KDM4C: variants seen among roughly 807,000 people sequenced by gnomAD.
The protein encoded by KDM4C is lysine demethylase 4C.
Under a neutral mutation model 129.3 loss-of-function variants are expected in KDM4C, and 81 were observed. That is an observed-to-expected ratio of 0.63 (90% CI 0.52 to 0.75). The LOEUF is 0.75. Ranked by LOEUF, KDM4C falls within the 30% of genes least tolerant of loss-of-function variation. The pLI, the probability that KDM4C is intolerant of heterozygous loss-of-function variation, is 0.00. For synonymous variants in KDM4C, 573 were observed against 456.1 expected (o/e 1.26, Z -3.26); for missense variants, 1,457 against 1,304.0 (o/e 1.12, Z -1.81).
At position 7,076,921 on chromosome 9, in the gene KDM4C, G is replaced by A. The variant is rs530444944; in HGVS notation, c.2425-26764G>A. ...CCTGTAGCATGGAGGCATTATAATA[G>A]GAGTCTCAGAAGTTACACCATTTTT... is the stretch of plus-strand genomic sequence containing the variant. On this transcript the variant is annotated intron_variant, in intron 17 of 21. Transcript: ENST00000381309. The A allele has an allele frequency of 5.6e-5, 55 of 986,316 alleles. No individual in the cohort carries two copies. The East Asian group carries it at 5.5e-3, about 99-fold the overall frequency. The allele number at this position is 986,316 out of a possible 1,614,324, so 61.1% of individuals were successfully genotyped here. A position where few individuals can be genotyped will look rare whatever the true frequency, so the allele number is the denominator to read the frequency against.
At chr9:7,149,619 A>G (rs1842545972) in intron 19 of KDM4C, among the ~76,000 whole-genome samples, 1 of 152,232 alleles carries the variant, frequency 6.6e-6, no homozygotes, top group South Asian at 2.1e-4. Flanking sequence ...AGTAATGAAT[A>G]CTGGAATTTG....
At chr9:6,728,127 G>T (rs1455902631) in intron 1 of KDM4C, among the ~76,000 whole-genome samples, 1 of 147,894 alleles carries the variant, frequency 6.8e-6, no homozygotes, top group East Asian at 2.0e-4. Context: ...TGAATGCTAT[G>T]GGAACCATCC....
Position 7,005,296 on chromosome 9 carries a change from G to A in KDM4C, c.1787-6402G>A, listed in dbSNP as rs183057626. ...ACTAAAAATACAAAGTTAGCCGGGC[G>A]TGGTGGCGCATGCCTGTAATCCCAG... On this transcript the variant is annotated intron_variant, in intron 12 of 21. Coordinates refer to ENST00000381309, the MANE Select transcript of KDM4C (RefSeq NM_015061.6). Among the ~76,000 whole-genome samples, 383 of 152,150 alleles carry A rather than the reference G, an allele frequency of 2.5e-3. 1 individual carries two copies. The highest frequency in any genetic ancestry group is 8.2e-3 in the African/African-American group (342 of 41,526).
intron 17 of KDM4C, among the ~76,000 whole-genome samples, chr9:7,101,244 C>G (rs1036182688): frequency 2.6e-5 from 4 of 152,130 alleles, no homozygotes; most frequent in Non-Finnish European, 5.9e-5. Flanking sequence ...TTGTAACATT[C>G]TTAAGTGCAC....
intron 8 of KDM4C, among the ~76,000 whole-genome samples, chr9:6,916,991 A>G (rs1302821663): frequency 6.6e-6 from 1 of 152,168 alleles, no homozygotes; most frequent in Non-Finnish European, 1.5e-5. Context: ...GAATCTGCCT[A>G]TTCATATTCC....
intron 19 of KDM4C, among the ~76,000 whole-genome samples, chr9:7,143,162 AC>A (rs1232624221): frequency 1.3e-5 from 2 of 152,106 alleles, no homozygotes; most frequent in Non-Finnish European, 2.9e-5. Context: ...GTGCCCACTT[AC>A]CCTGGGAGCC....
Position 7,015,211 on chromosome 9 carries a change from G to C in KDM4C, c.2183-642G>C, listed in dbSNP as rs1243521975. Among the ~76,000 whole-genome samples the C allele has an allele frequency of 2.0e-5, 3 of 151,792 alleles. No homozygotes were observed. The South Asian group carries it at 6.3e-4, about 32-fold the overall frequency. ...TCATTAAATCTTAACCCTCTTATAC[G>C]GAGGGGTTTTTAATATTGGAAATAT... is the stretch of plus-strand genomic sequence containing the variant. On this transcript the variant is annotated intron_variant, in intron 14 of 21. Transcript: ENST00000381309.
chr9:6,823,926 G>A (rs1833458154), intron 4 of KDM4C, among the ~76,000 whole-genome samples: 1 of 152,182 alleles, frequency 6.6e-6, no homozygotes, highest in Non-Finnish European at 1.5e-5. Flanking sequence ...TTTTTCAGGA[G>A]ACATTTTCAC....
At chr9:6,845,055 A>G (rs567474804) in intron 4 of KDM4C, among the ~76,000 whole-genome samples, 1 of 152,290 alleles carries the variant, frequency 6.6e-6, no homozygotes, top group African/African-American at 2.4e-5. Flanking sequence ...TGATTTTCAC[A>G]TTATTTCTTT....
intron 5 of KDM4C, among the ~76,000 whole-genome samples, chr9:6,873,820 C>T (rs1843133928): frequency 6.6e-6 from 1 of 151,892 alleles, no homozygotes; most frequent in Non-Finnish European, 1.5e-5. Flanking sequence ...TTCAAAATGC[C>T]CTCCTTACTA....
At chr9:6,978,317 C>T (rs141784991) in intron 8 of KDM4C, among the ~76,000 whole-genome samples, 1,724 of 150,190 alleles carry the variant, frequency 0.011, 24 homozygotes, top group South Asian at 0.029. Context: ...TCTTCCATTG[C>T]ATAATAATTC....
chr9:7,098,128 T>C (rs1363306800), intron 17 of KDM4C, among the ~76,000 whole-genome samples: 1 of 152,260 alleles, frequency 6.6e-6, no homozygotes, highest in Non-Finnish European at 1.5e-5. Context: ...CCTTGGCCTT[T>C]CCAGTTCTAG....
chr9:7,031,297 G>A (rs1237798651), intron 15 of KDM4C, among the ~76,000 whole-genome samples: 3 of 151,882 alleles, frequency 2.0e-5, no homozygotes, highest in Non-Finnish European at 4.4e-5. Context: ...TGAGTAGCTG[G>A]GATTACAGGT....
At chr9:7,065,554 A>G (rs552978941) in intron 17 of KDM4C, among the ~76,000 whole-genome samples, 1 of 152,196 alleles carries the variant, frequency 6.6e-6, no homozygotes, top group Non-Finnish European at 1.5e-5. Context: ...AAAAAGAATC[A>G]TGACATTCTG....
At chr9:6,943,819 T>A (rs959420343) in intron 8 of KDM4C, among the ~76,000 whole-genome samples, 8 of 152,210 alleles carry the variant, frequency 5.3e-5, no homozygotes, top group African/African-American at 1.9e-4. Flanking sequence ...TTGTCAAGAA[T>A]GCAGATTTCT....
intron 1 of KDM4C, among the ~76,000 whole-genome samples, chr9:6,743,983 A>G (rs766726045): frequency 2.6e-5 from 4 of 151,828 alleles, no homozygotes; most frequent in Non-Finnish European, 5.9e-5. Flanking sequence ...CCTGGGCTCA[A>G]ACAATCCTCC....
At chr9:6,871,424 A>C (rs1588850184) in intron 5 of KDM4C, among the ~76,000 whole-genome samples, 1 of 152,328 alleles carries the variant, frequency 6.6e-6, no homozygotes, top group South Asian at 2.1e-4. Flanking sequence ...TCTTAAAAAA[A>C]ATTTATAAAA....
chr9:7,137,848 A>G (rs1236066997), intron 19 of KDM4C, among the ~76,000 whole-genome samples: 3 of 152,222 alleles, frequency 2.0e-5, no homozygotes, highest in Non-Finnish European at 4.4e-5. Flanking sequence ...TAAATCAATG[A>G]AGAGTTTATG....
At position 6,985,470 on chromosome 9, in the gene KDM4C, T is replaced by C. The variant is rs1205681932; in HGVS notation, c.1355-874T>C. Among the ~76,000 whole-genome samples, 5 of 151,650 alleles carry C rather than the reference T, an allele frequency of 3.3e-5. No individual in the cohort carries two copies. The East Asian group carries it at 1.0e-3, about 31-fold the overall frequency. On this transcript the variant is annotated intron_variant, in intron 10 of 21. Transcript: ENST00000381309. Reference sequence around the variant, plus strand: ...TACAATCCAATGTGGTAAGTAGCATTATAGAGATTGCATAGGATGTTGCTG... The same window carrying C: ...TACAATCCAATGTGGTAAGTAGCATCATAGAGATTGCATAGGATGTTGCTG...
Sources: allele counts gnomAD v4.1 joint callset (sites outside exome capture counted in the v4.1 genomes callset), GRCh38; gene constraint gnomAD v4.1.1; transcripts MANE v1.5; gene names NCBI Gene and HGNC (gene_info 2026-07-23, HGNC 2026-07-21).